The following ZNF469 variants were observed in gnomAD, a reference collection of about 807,000 sequenced individuals.
ZNF469 encodes the protein zinc finger protein 469.
Under a neutral mutation model 1.0 loss-of-function variants are expected in ZNF469, and 1 was observed. That is an observed-to-expected ratio of 1.00 (90% CI 0.35 to 4.73). The LOEUF (loss-of-function observed/expected upper bound fraction) is 4.73. Ranked by LOEUF, ZNF469 falls within the 30% of genes most tolerant of loss-of-function variation. ZNF469 has a pLI of 0.16. For missense variants in ZNF469, 6,100 were observed against 5,356.3 expected, an observed-to-expected ratio of 1.14 and a Z score of -4.33; for synonymous variants, 2,703 against 2,363.4, an observed-to-expected ratio of 1.14 and a Z score of -4.17.
chr16:88,439,102 C>G lies in ZNF469; in HGVS notation c.11632C>G (p.Arg3878Gly), dbSNP rs754381335. 1.9e-5 allele frequency: 29 copies of G among 1,550,834 alleles called. No homozygotes were observed. The highest frequency in any genetic ancestry group is 2.4e-5 in the Non-Finnish European group (28 of 1,146,984). Residue 3878 changes from arginine to glycine, a missense_variant, in exon 3 of 3, where the codon CGG (arginine) becomes GGG (glycine). Physicochemically the swap from Arg to Gly is moderately radical, Grantham distance 125. Transcript: ENST00000565624. ...NKPRPPPSEQ[R>G]KAEPGHTQRK... ...ACCCAGGCCGCCACCATCAGAGCAG[C>G]GGAAGGCAGAGCCGGGCCACACACA...
rs761880505 is a variant in ZNF469 at position 88,432,111 on chromosome 16, T to C, written c.4641T>C (p.Ser1547=). The C allele has an allele frequency of 6.5e-7, 1 of 1,549,392 alleles. No individual in the cohort carries two copies. Among genetic ancestry groups the C allele is most frequent in the South Asian group, 1.2e-5 (1 of 83,982 alleles). ...CCCCATCTTTGCCTGGGAAGGGGAGTGGATGTAGCGTTGCTCTTATGAGTC... is the reference window on the plus strand; with the variant it reads ...CCCCATCTTTGCCTGGGAAGGGGAGCGGATGTAGCGTTGCTCTTATGAGTC... The part of the protein sequence containing the change: ...GAAPSLPGKG[S]GCSVALMSHL... The change falls in exon 3 of 3, where the codon AGT becomes AGC. Residue 1547 remains serine (S), a synonymous_variant. Coordinates refer to ENST00000565624, the MANE Select transcript of ZNF469 (RefSeq NM_001367624.2).
the ZNF469 span, among the ~76,000 whole-genome samples, chr16:88,375,311 A>T: frequency 6.6e-3 from 1,000 of 152,344 alleles, 8 homozygotes; most frequent in South Asian, 0.027. Flanking sequence ...GGGGAAACTG[A>T]GGCACAGAGG....
chr16:88,239,667 GTATATATATATATATATATA>G, the ZNF469 span, among the ~76,000 whole-genome samples: 2 of 28,218 alleles, frequency 7.1e-5, no homozygotes, highest in African/African-American at 2.1e-4. Context: ...TTTTTTTTTT[GTATATATATATATATATATA>G]TATATATATA....
Position 88,431,961 on chromosome 16 carries a change from G to C in ZNF469, c.4491G>C (p.Pro1497=), listed in dbSNP as rs902379157. 1.3e-6 allele frequency: 2 copies of C among 1,549,210 alleles called. No homozygotes were observed. The highest frequency in any genetic ancestry group is 1.7e-6 in the Non-Finnish European group (2 of 1,146,954). The part of the protein sequence containing the change: ...PPQKTVPSDP[P]YPSFLLLEEV... ...AGAAGACGGTGCCGTCAGATCCACC[G>C]TACCCCTCTTTTTTGCTGCTTGAGG... Residue 1497 remains proline, a synonymous_variant, in exon 3 of 3, where the codon CCG becomes CCC. Transcript: ENST00000565624.
At chr16:88,357,146 C>A in the ZNF469 span, among the ~76,000 whole-genome samples, 2 of 152,260 alleles carry the variant, frequency 1.3e-5, no homozygotes, top group African/African-American at 2.4e-5. Context: ...GTCTCCCTGG[C>A]AGCAGGGGCA....
chr16:88,109,098 C>T, the ZNF469 span, among the ~76,000 whole-genome samples: 7 of 152,226 alleles, frequency 4.6e-5, no homozygotes, highest in East Asian at 1.9e-4. Flanking sequence ...GGGTTGTCGA[C>T]GGCTCATAGC....
the ZNF469 span, among the ~76,000 whole-genome samples, chr16:88,247,779 G>A: frequency 2.6e-5 from 4 of 152,132 alleles, no homozygotes; most frequent in African/African-American, 9.7e-5. Context: ...GTCAGTGAAT[G>A]AGGGAGTGAG....
At chr16:88,194,675 TA>T in the ZNF469 span, 1 of 152,170 alleles carries the variant, frequency 6.6e-6, no homozygotes, top group Non-Finnish European at 1.5e-5. Context: ...TTGATCAGGG[TA>T]GATTTATTTT....
Position 88,431,654 on chromosome 16 carries a change from T to C in ZNF469, c.4184T>C (p.Leu1395Pro). The C allele has an allele frequency of 1.9e-6, 3 of 1,550,444 alleles. No individual in the cohort carries two copies. The highest frequency in any genetic ancestry group is 2.6e-6 in the Non-Finnish European group (3 of 1,146,974). Residue 1395 changes from leucine (L) to proline (P), a missense_variant, in exon 3 of 3, where the codon CTG becomes CCG. Physicochemically the swap from Leu to Pro is moderately conservative, Grantham distance 98 (BLOSUM62 -3). Transcript: ENST00000565624. ...CCCAAAGACCTGGCTGGCTGTTTCC[T>C]GGAAGAACTGCACCCCAAGCCCTCA... ...LGPKDLAGCF[L>P]EELHPKPSAR...
At chr16:88,276,187 G>A in the ZNF469 span, among the ~76,000 whole-genome samples, 14,563 of 152,178 alleles carry the variant, frequency 0.096, 2,294 homozygotes, top group African/African-American at 0.33. Context: ...CTGCACAGGA[G>A]TCAAGGCCAC....
At chr16:88,309,463 C>A in the ZNF469 span, among the ~76,000 whole-genome samples, 1 of 150,344 alleles carries the variant, frequency 6.7e-6, no homozygotes, top group Non-Finnish European at 1.5e-5. Context: ...CGGGGAGTAC[C>A]CTCTGAGGTC....
At chr16:88,278,377 C>T in the ZNF469 span, among the ~76,000 whole-genome samples, 2 of 54,096 alleles carry the variant, frequency 3.7e-5, no homozygotes, top group Admixed American at 2.4e-4. Flanking sequence ...TATCAGTGCA[C>T]GGTTAGTGCT....
the ZNF469 span, among the ~76,000 whole-genome samples, chr16:88,374,090 A>G: frequency 6.6e-6 from 1 of 152,088 alleles, no homozygotes; most frequent in African/African-American, 2.4e-5. Flanking sequence ...GGAATGAAAG[A>G]GCAGACTCAG....
chr16:88,239,521 C>G, the ZNF469 span, among the ~76,000 whole-genome samples: 1 of 148,016 alleles, frequency 6.8e-6, no homozygotes, highest in Non-Finnish European at 1.5e-5. Context: ...CGGAGTCTCG[C>G]TCTGTCACCA....
chr16:88,288,119 G>A, the ZNF469 span, among the ~76,000 whole-genome samples: 53 of 151,950 alleles, frequency 3.5e-4, no homozygotes, highest in South Asian at 1.2e-3. Flanking sequence ...GATGTTCTCC[G>A]TGCCCTGTGG....
chr16:88,404,035 GC>G (rs1390420840), intron 1 of ZNF469, among the ~76,000 whole-genome samples: 1 of 152,208 alleles, frequency 6.6e-6, no homozygotes, highest in Non-Finnish European at 1.5e-5. Context: ...GGGGCCCAAA[GC>G]CCCCCGACTG....
At chr16:88,371,882 C>T in the ZNF469 span, among the ~76,000 whole-genome samples, 3 of 149,760 alleles carry the variant, frequency 2.0e-5, no homozygotes, top group Admixed American at 6.6e-5. Context: ...GTCACCATCA[C>T]CATTATCACC....
the ZNF469 span, among the ~76,000 whole-genome samples, chr16:88,299,648 G>T: frequency 5.3e-5 from 8 of 152,162 alleles, no homozygotes; most frequent in Admixed American, 1.3e-4. Flanking sequence ...GGGTCAGGTC[G>T]CTGTGATCCC....
chr16:88,401,491 A>G (rs1904853574), intron 1 of ZNF469, among the ~76,000 whole-genome samples: 1 of 132,724 alleles, frequency 7.5e-6, no homozygotes, highest in East Asian at 2.1e-4. Context: ...GGATGGATGG[A>G]TGCTGGGGTG....
Sources: gnomAD v4.1 joint callset for allele counts (sites outside exome capture counted in the v4.1 genomes callset) on GRCh38, gnomAD v4.1.1 for gene constraint, MANE v1.5 for transcripts, NCBI Gene and HGNC (gene_info 2026-07-23, HGNC 2026-07-21) for gene names.